The following MED26 variants were observed in gnomAD, a reference collection of about 807,000 sequenced individuals.
MED26 encodes mediator of RNA polymerase II transcription subunit 26.
In MED26, 7 loss-of-function variants were observed where a neutral mutation model predicts 43.7. That is an observed-to-expected ratio of 0.16 (90% CI 0.09 to 0.30). MED26 has a LOEUF of 0.30. MED26 is among the 10% of genes least tolerant of loss of function. MED26 has a pLI of 1.00. For synonymous variants in MED26, 375 were observed against 371.1 expected, an observed-to-expected ratio of 1.01 and a Z score of -0.12; for missense variants, 784 against 840.6, an observed-to-expected ratio of 0.93 and a Z score of 0.83.
chr19:16,579,063 T>G (rs1390703070), intron 1 of MED26, among the ~76,000 whole-genome samples: 1 of 152,098 alleles, frequency 6.6e-6, no homozygotes, highest in Non-Finnish European at 1.5e-5. Flanking sequence ...ACCACACCAC[T>G]GCACTCCAGC....
intron 1 of MED26, chr19:16,610,309 A>C (rs1396899872): frequency 6.6e-6 from 1 of 152,116 alleles, no homozygotes; most frequent in Non-Finnish European, 1.5e-5. Context: ...GCCTCTAAAA[A>C]TAATAATAAT....
At chr19:16,619,284 A>G (rs570026976) in intron 1 of MED26, among the ~76,000 whole-genome samples, 5 of 152,356 alleles carry the variant, frequency 3.3e-5, no homozygotes, top group Non-Finnish European at 7.3e-5. Context: ...GGCACCATGC[A>G]AGATGCACCT....
At chr19:16,609,941 TAAAAAAAAAAA>T (rs869040520) in intron 1 of MED26, among the ~76,000 whole-genome samples, 3 of 84,672 alleles carry the variant, frequency 3.5e-5, no homozygotes, top group Non-Finnish European at 6.9e-5. Context: ...AAGCACTCTT[TAAAAAAAAAAA>T]AAAAAAAAAA....
intron 1 of MED26, chr19:16,624,363 C>CTGAAGAGCTGTGAAA (rs1290686751): frequency 6.6e-6 from 1 of 152,224 alleles, no homozygotes; most frequent in Non-Finnish European, 1.5e-5. Context: ...TCTCTGTTGC[C>CTGAAGAGCTGTGAAA]TGAAGAGCTG....
At chr19:16,623,357 G>C (rs2086259860) in intron 1 of MED26, among the ~76,000 whole-genome samples, 1 of 152,178 alleles carries the variant, frequency 6.6e-6, no homozygotes, top group South Asian at 2.1e-4. Flanking sequence ...TTTGGGTTTA[G>C]GGTCCTCTAC....
chr19:16,578,231 G>A (rs539033258), intron 2 of MED26, 104 bp downstream of exon 2: 19 of 1,114,584 alleles, frequency 1.7e-5, no homozygotes, highest in African/African-American at 1.4e-4. Flanking sequence ...TTGGTCCTCC[G>A]AAGCAAAGAC....
chr19:16,575,033 A>G lies in MED26; in HGVS notation c.*994T>C, dbSNP rs903593863. The G allele has an allele frequency of 6.6e-6, 1 of 152,438 alleles. No homozygotes were observed. Among genetic ancestry groups the G allele is most frequent in the Admixed American group, 6.6e-5 (1 of 15,252 alleles). The allele number at this position is 152,438 out of a possible 1,614,324, so 9.4% of individuals were successfully genotyped here. ...GAGAACACAGAAGTCTAGGTACTGT[A>G]CATTCACTAAGGCTCCTTGTTTTTG... On this transcript the variant is annotated 3_prime_UTR_variant, in exon 3 of 3. Coordinates refer to ENST00000263390, the MANE Select transcript of MED26 (RefSeq NM_004831.5).
intron 1 of MED26, chr19:16,588,046 C>T (rs1167768376): frequency 2.6e-5 from 4 of 152,300 alleles, no homozygotes; most frequent in African/African-American, 9.6e-5. Flanking sequence ...AACCTAGACT[C>T]TCCTGACCTC....
At chr19:16,598,424 T>G (rs1461798407) in intron 1 of MED26, among the ~76,000 whole-genome samples, 1 of 150,498 alleles carries the variant, frequency 6.6e-6, no homozygotes, top group South Asian at 2.1e-4. Context: ...AACACAAGAC[T>G]GCCCCTTGAC....
chr19:16,627,845 G>A (rs1408683349), intron 1 of MED26, 27 bp downstream of exon 1: 14 of 1,463,916 alleles, frequency 9.6e-6, no homozygotes, highest in Non-Finnish European at 1.1e-5. Flanking sequence ...TGCGGCCTCC[G>A]TCCCAGCTCG....
intron 1 of MED26, among the ~76,000 whole-genome samples, chr19:16,603,117 G>T (rs886667066): frequency 3.3e-5 from 5 of 152,214 alleles, no homozygotes; most frequent in African/African-American, 4.8e-5. Flanking sequence ...TCTTTTAGGT[G>T]GCTCCTGGGC....
intron 1 of MED26, among the ~76,000 whole-genome samples, chr19:16,612,840 G>A (rs1332664029): frequency 6.6e-6 from 1 of 152,126 alleles, no homozygotes; most frequent in Non-Finnish European, 1.5e-5. Flanking sequence ...GTTTTCCCCC[G>A]AGGGAGCATT....
At chr19:16,588,320 T>C (rs897765) in intron 1 of MED26, 192 of 152,374 alleles carry the variant, frequency 1.3e-3, no homozygotes, top group African/African-American at 4.5e-3. Context: ...ACACACACAG[T>C]GCTCGGCCCA....
chr19:16,591,707 C>T lies in MED26; in HGVS notation c.73-13298G>A, dbSNP rs117021900. Reference sequence around the variant, plus strand: ...AGACATCTGCAAAGTCTTGGGCAAACGACAGTCTGCTCTCCCCAAAACATG... The same window carrying T: ...AGACATCTGCAAAGTCTTGGGCAAATGACAGTCTGCTCTCCCCAAAACATG... On this transcript the variant is annotated intron_variant, in intron 1 of 2. Coordinates refer to ENST00000263390, the MANE Select transcript of MED26 (RefSeq NM_004831.5). Among the ~76,000 whole-genome samples the T allele has an allele frequency of 3.5e-3, 532 of 152,320 alleles. 4 individuals are homozygous for T. The highest frequency in any genetic ancestry group is 5.5e-3 in the Non-Finnish European group (372 of 68,030).
intron 1 of MED26, 106 bp downstream of exon 1, chr19:16,627,766 G>T: frequency 1.3e-6 from 1 of 744,074 alleles, no homozygotes; most frequent in Non-Finnish European, 1.9e-6. Flanking sequence ...GAGGGGAGGT[G>T]GGCGCCAGAC....
At chr19:16,592,974 C>T (rs899211989) in intron 1 of MED26, among the ~76,000 whole-genome samples, 1 of 152,226 alleles carries the variant, frequency 6.6e-6, no homozygotes, top group Non-Finnish European at 1.5e-5. Context: ...AGCCAAACCT[C>T]CCACAGGACT....
chr19:16,613,260 G>C (rs2086207996), intron 1 of MED26, among the ~76,000 whole-genome samples: 1 of 152,044 alleles, frequency 6.6e-6, no homozygotes, highest in Admixed American at 6.6e-5. Context: ...TGGGAGGAGG[G>C]GAGAGGAGGC....
intron 1 of MED26, among the ~76,000 whole-genome samples, chr19:16,580,819 G>A (rs1023070395): frequency 3.9e-5 from 6 of 151,994 alleles, no homozygotes; most frequent in Admixed American, 1.3e-4. Context: ...GTCCTCACCC[G>A]GCATCTCTCT....
At chr19:16,595,053 C>T (rs931254847) in intron 1 of MED26, among the ~76,000 whole-genome samples, 1 of 152,210 alleles carries the variant, frequency 6.6e-6, no homozygotes, top group Non-Finnish European at 1.5e-5. Flanking sequence ...CCACTTGGGG[C>T]TCCTCAGGCC....
Sources: allele counts gnomAD v4.1 joint callset (sites outside exome capture counted in the v4.1 genomes callset), GRCh38; gene constraint gnomAD v4.1.1; transcripts MANE v1.5; gene names NCBI Gene and HGNC (gene_info 2026-07-23, HGNC 2026-07-21).